CTU1: variants seen among roughly 807,000 people sequenced by gnomAD.
The protein encoded by CTU1 is cytosolic thiouridylase subunit 1, also known as cytoplasmic tRNA 2-thiolation protein 1.
In CTU1, 15 loss-of-function variants were observed where a neutral mutation model predicts 12.9. That is an observed-to-expected ratio of 1.16 (90% CI 0.78 to 1.79). The LOEUF (loss-of-function observed/expected upper bound fraction) is 1.79, where lower values mean the gene tolerates loss of function less well. Among genes scored for constraint, CTU1 ranks in the 40% most tolerant of loss-of-function variants. CTU1 has a pLI of 0.00. For synonymous variants in CTU1, 295 were observed against 275.6 expected, an observed-to-expected ratio of 1.07 and a Z score of -0.70; for missense variants, 553 against 550.5, an observed-to-expected ratio of 1.00 and a Z score of -0.05.
Position 51,104,487 on chromosome 19 carries a change from G to A in CTU1, c.83C>T (p.Ala28Val). 2 of 1,315,256 alleles carry A rather than the reference G, an allele frequency of 1.5e-6. No homozygotes were observed. Among genetic ancestry groups the A allele is most frequent in the Non-Finnish European group, 1.9e-6 (2 of 1,034,948 alleles). The allele number at this position is 1,315,256 out of a possible 1,614,324, so 81.5% of individuals were successfully genotyped here. Reference sequence around the variant, plus strand: ...GGCCTCGAAGGCGGCGCAGAAGCAGGCACCGCACAGCGCTTGGCCCGAGAG... The same window carrying A: ...GGCCTCGAAGGCGGCGCAGAAGCAGACACCGCACAGCGCTTGGCCCGAGAG... The part of the protein sequence containing the change: ...RPLSGQALCG[A>V]CFCAAFEAEV... Residue 28 changes from alanine to valine, a missense_variant, in exon 2 of 3, where the codon GCC (alanine) becomes GTC (valine). By Grantham distance (64) the Ala-to-Val change is moderately conservative. Around this residue, in one of 2 missense-constraint regions of CTU1, gnomAD observed 500 missense variants for 458.5 expected, o/e 1.09. Transcript: ENST00000421832.
At chr19:51,100,506 T>C (rs1250713712) in intron 2 of CTU1, among the ~76,000 whole-genome samples, 7 of 151,916 alleles carry the variant, frequency 4.6e-5, no homozygotes. Flanking sequence ...AGCTGAGGCA[T>C]GAGAATCTCT....
Position 51,104,418 on chromosome 19 carries a change from C to CCGGGCGGCAG in CTU1, c.142_151dup (p.Gly51AlafsTer42). The CCGGGCGGCAG allele has an allele frequency of 8.2e-7, 1 of 1,223,122 alleles. No individual in the cohort carries two copies. The highest frequency in any genetic ancestry group is 1.0e-6 in the Non-Finnish European group (1 of 979,892). 75.8% of individuals were successfully genotyped at this position (1,223,122 alleles called of 1,614,324 possible). On this transcript the variant is annotated frameshift_variant, in exon 2 of 3. Coordinates refer to ENST00000421832, the MANE Select transcript of CTU1 (RefSeq NM_145232.4). LOFTEE classifies it high-confidence loss of function. ...CGAGGCGCCCACGGCCACCACCGCG[C>CCGGGCGGCAG]CGGGCGGCAGCAGGCGGCCGGCGAG... is the stretch of plus-strand genomic sequence containing the variant.
chr19:51,099,232 A>C (rs2091901446), intron 2 of CTU1, 93 bp from the exon 3 acceptor site: 5 of 1,172,566 alleles, frequency 4.3e-6, no homozygotes, highest in Non-Finnish European at 5.9e-6. Context: ...ACCAGGACCC[A>C]GAGAGAGACT....
chr19:51,106,083 ATCT>A, intron 1 of CTU1, among the ~76,000 whole-genome samples: 1 of 152,216 alleles, frequency 6.6e-6, no homozygotes, highest in African/African-American at 2.4e-5. Context: ...CATGCCCTGA[ATCT>A]TCTCAGCATC....
rs778759534 is a variant in CTU1 at position 51,104,048 on chromosome 19, C to G, written c.508+14G>C. On this transcript the variant is annotated intron_variant, in intron 2 of 2. Coordinates refer to ENST00000421832, the MANE Select transcript of CTU1 (RefSeq NM_145232.4). ...CCTCGGAGAGTGCCGCTCTGCGGCC[C>G]GTACTACGCTCACCTGTCACGATGT... is the stretch of plus-strand genomic sequence containing the variant. 8 of 1,431,512 alleles carry G rather than the reference C, an allele frequency of 5.6e-6. No individual in the cohort carries two copies. The highest frequency in any genetic ancestry group is 2.7e-5 in the East Asian group (1 of 36,668). 88.7% of individuals were successfully genotyped at this position (1,431,512 alleles called of 1,614,324 possible).
rs761940281 is a variant in CTU1 at position 51,104,561 on chromosome 19, G to C, written c.9C>G (p.Ala3=). ...CAGCATGGCAGGAGGCGCACGGCGG[G>C]GCGGGCATTGCGGGAGGGGTCGGCT... MP[A]PPCASCHAAR... Residue 3 remains alanine, a synonymous_variant, in exon 2 of 3, where the codon GCC becomes GCG. Transcript: ENST00000421832. The C allele has an allele frequency of 3.2e-6, 4 of 1,252,276 alleles. 1 individual carries two copies. In the Middle Eastern group the frequency reaches 9.6e-4, roughly 299 times the overall value. The allele number at this position is 1,252,276 out of a possible 1,614,324, so 77.6% of individuals were successfully genotyped here.
rs781603912 is a variant in CTU1 at position 51,099,094 on chromosome 19, A to C, written c.554T>G (p.Leu185Arg). The change falls in exon 3 of 3, where the codon CTA becomes CGA. Residue 185 changes from leucine to arginine, a missense_variant. Physicochemically the swap from Leu to Arg is moderately radical, Grantham distance 102 (BLOSUM62 -2). Coordinates refer to ENST00000421832, the MANE Select transcript of CTU1 (RefSeq NM_145232.4). The stretch of plus-strand genomic sequence containing the variant: ...GGCCAGCCGCCCCGCGTCGCCCCGT[A>C]GGAAGTTCATGAGCACGGTCTCCGC... ...DMAETVLMNFLRGDAGRLARG... is the reference protein window; with the variant it reads ...DMAETVLMNFRRGDAGRLARG... 6.4e-7 allele frequency: 1 copy of C among 1,555,300 alleles called. No homozygotes were observed. The highest frequency in any genetic ancestry group is 1.4e-5 in the African/African-American group (1 of 72,906).
At chr19:51,101,348 T>G (rs2091906775) in intron 2 of CTU1, among the ~76,000 whole-genome samples, 1 of 152,214 alleles carries the variant, frequency 6.6e-6, no homozygotes, top group Admixed American at 6.5e-5. Flanking sequence ...CTGTGTCTTG[T>G]CAAGTTATAC....
rs746986273 is a variant in CTU1 at position 51,103,584 on chromosome 19, C to CAA, written c.508+476_508+477dup. Among the ~76,000 whole-genome samples the CAA allele has an allele frequency of 1.6e-3, 151 of 96,166 alleles. 3 individuals are homozygous for CAA. The highest frequency in any genetic ancestry group is 5.5e-3 in the Middle Eastern group (1 of 182). The allele number at this position is 96,166 out of a possible 152,430, so 63.1% of individuals were successfully genotyped here. ...TGGGAGACAGAGCGAGACTCTGTCT[C>CAA]AAAAAAAAAAAAAAAAAAAAAGTTA... is the stretch of plus-strand genomic sequence containing the variant. On this transcript the variant is annotated intron_variant, in intron 2 of 2. Transcript: ENST00000421832.
At chr19:51,099,650 C>A (rs557470311) in intron 2 of CTU1, among the ~76,000 whole-genome samples, 1 of 152,318 alleles carries the variant, frequency 6.6e-6, no homozygotes, top group East Asian at 1.9e-4. Context: ...CTGCTAATAA[C>A]CTTATCAGCC....
intron 1 of CTU1, among the ~76,000 whole-genome samples, chr19:51,106,046 A>G (rs1310489985): frequency 1.3e-5 from 2 of 151,430 alleles, no homozygotes; most frequent in Non-Finnish European, 2.9e-5. Flanking sequence ...CTCTACAAAC[A>G]CTCCTTCACA....
chr19:51,106,485 A>AT (rs1479896893), intron 1 of CTU1, among the ~76,000 whole-genome samples: 3 of 149,018 alleles, frequency 2.0e-5, no homozygotes, highest in Non-Finnish European at 3.0e-5. Flanking sequence ...ATCTCTTTCC[A>AT]TTTTTTAAAG....
chr19:51,100,787 A>C (rs2091905490), intron 2 of CTU1, among the ~76,000 whole-genome samples: 1 of 152,154 alleles, frequency 6.6e-6, no homozygotes, highest in African/African-American at 2.4e-5. Flanking sequence ...GAACTACAAG[A>C]TAATAAATCT....
At chr19:51,107,659 G>A (rs2122803018) in intron 1 of CTU1, among the ~76,000 whole-genome samples, 1 of 152,288 alleles carries the variant, frequency 6.6e-6, no homozygotes, top group East Asian at 1.9e-4. Context: ...GGGGACTGGG[G>A]CAACGACGAG....
At position 51,104,178 on chromosome 19, in the gene CTU1, G is replaced by C. The variant is rs554596578; in HGVS notation, c.392C>G (p.Ala131Gly). 5.8e-5 allele frequency: 89 copies of C among 1,522,222 alleles called. No homozygotes were observed. Among genetic ancestry groups the C allele is most frequent in the Non-Finnish European group, 7.6e-5 (87 of 1,141,462 alleles). 94.3% of individuals were successfully genotyped at this position (1,522,222 alleles called of 1,614,324 possible). A position where few individuals can be genotyped will look rare whatever the true frequency, so the allele number is the denominator to read the frequency against. ...LFGGWTMDAV[A>G]RSTAGSGRSR... ...GCGGCCGGAGCCGGCTGTGCTGCGG[G>C]CCACGGCGTCCATCGTCCAGCCCCC... Residue 131 changes from alanine (A) to glycine (G), a missense_variant, in exon 2 of 3, where the codon GCC becomes GGC. By Grantham distance (60) the Ala-to-Gly change is moderately conservative. This residue lies in a region of CTU1 where 500 missense variants were observed against 458.5 expected (regional missense o/e 1.09). Coordinates refer to ENST00000421832, the MANE Select transcript of CTU1 (RefSeq NM_145232.4).
Position 51,104,585 on chromosome 19 carries a change from C to T in CTU1, c.-16G>A, listed in dbSNP as rs1301044026. The T allele has an allele frequency of 1.2e-5, 15 of 1,244,714 alleles. No homozygotes were observed. In the African/African-American group the frequency reaches 1.9e-4, roughly 15 times the overall value. The allele number at this position is 1,244,714 out of a possible 1,614,324, so 77.1% of individuals were successfully genotyped here. On this transcript the variant is annotated 5_prime_UTR_variant, in exon 2 of 3. Transcript: ENST00000421832. Reference sequence around the variant, plus strand: ...GGGCGGGCATTGCGGGAGGGGTCGGCTTCTCCTAGACAGGGAGAGAGAGGA... The same window carrying T: ...GGGCGGGCATTGCGGGAGGGGTCGGTTTCTCCTAGACAGGGAGAGAGAGGA...
At chr19:51,106,031 G>C (rs2091920013) in intron 1 of CTU1, among the ~76,000 whole-genome samples, 1 of 152,140 alleles carries the variant, frequency 6.6e-6, no homozygotes, top group African/African-American at 2.4e-5. Flanking sequence ...CTCCCGCCTT[G>C]CCTCCTCTAC....
In CTU1 at chr19:51,098,310, G is replaced by A. The variant is rs1347539223; in HGVS notation, c.*291C>T. Reference sequence around the variant, plus strand: ...TCCTTCCTCAGCCACAGATGCCTGGGGTCCCCAGTCCCACTTCTTCTAGGC... The same window carrying A: ...TCCTTCCTCAGCCACAGATGCCTGGAGTCCCCAGTCCCACTTCTTCTAGGC... On this transcript the variant is annotated 3_prime_UTR_variant, in exon 3 of 3. Coordinates refer to ENST00000421832, the MANE Select transcript of CTU1 (RefSeq NM_145232.4). The surrounding 1 kb of genome is among the most constrained non-coding windows in gnomAD (Gnocchi z 4.3). 4.6e-6 allele frequency: 1 copy of A among 218,118 alleles called. No homozygotes were observed. The highest frequency in any genetic ancestry group is 5.9e-5 in the Admixed American group (1 of 17,018). The allele number at this position is 218,118 out of a possible 1,614,324, so 13.5% of individuals were successfully genotyped here. A position where few individuals can be genotyped will look rare whatever the true frequency, so the allele number is the denominator to read the frequency against.
At chr19:51,101,217 G>A (rs1025154022) in intron 2 of CTU1, among the ~76,000 whole-genome samples, 2 of 152,080 alleles carry the variant, frequency 1.3e-5, no homozygotes, top group Admixed American at 1.3e-4. Context: ...AAGCGGCTGG[G>A]ATTACTAGCA....
Sources: allele counts gnomAD v4.1 joint callset (sites outside exome capture counted in the v4.1 genomes callset), GRCh38; gene constraint gnomAD v4.1.1; regional missense constraint gnomAD v4.1.1; non-coding constraint Gnocchi (gnomAD v3.1); transcripts MANE v1.5; gene names NCBI Gene and HGNC (gene_info 2026-07-23, HGNC 2026-07-21).